The following SLC8A1 variants were observed in gnomAD, a reference collection of about 807,000 sequenced individuals.
SLC8A1 encodes solute carrier family 8 member A1, also known as sodium/calcium exchanger 1.
In SLC8A1, 18 loss-of-function variants were observed where a neutral mutation model predicts 68.3. The observed-to-expected ratio is 0.26, with a 90% CI of 0.18 to 0.39. SLC8A1 has a LOEUF of 0.39. SLC8A1 is among the 10% of genes least tolerant of loss of function. The probability of loss-of-function intolerance (pLI) is 1.00; values close to 1 mark genes in which losing one functional copy is unlikely to be tolerated. For missense variants in SLC8A1, 985 were observed against 1,156.7 expected, an observed-to-expected ratio of 0.85 and a Z score of 2.15; for synonymous variants, 475 against 415.5, an observed-to-expected ratio of 1.14 and a Z score of -1.74.
chr2:40,306,424 T>G (rs2072607267), intron 2 of SLC8A1, among the ~76,000 whole-genome samples: 1 of 145,898 alleles, frequency 6.9e-6, no homozygotes, highest in African/African-American at 2.5e-5. Flanking sequence ...TAAGGGCATT[T>G]AAGGATAAAT....
At chr2:40,185,185 T>G (rs1240747604) in intron 2 of SLC8A1, among the ~76,000 whole-genome samples, 5 of 152,326 alleles carry the variant, frequency 3.3e-5, no homozygotes, top group Middle Eastern at 3.4e-3. Flanking sequence ...GCAGCCACTT[T>G]GGAGAAGCCC....
chr2:40,410,024 G>C (rs1283675826), intron 2 of SLC8A1, among the ~76,000 whole-genome samples: 1 of 151,972 alleles, frequency 6.6e-6, no homozygotes, highest in Non-Finnish European at 1.5e-5. Context: ...GGGGAGGGGA[G>C]AAGGAATACA....
intron 2 of SLC8A1, among the ~76,000 whole-genome samples, chr2:40,368,928 G>C (rs1394994688): frequency 8.6e-6 from 1 of 115,942 alleles, no homozygotes; most frequent in Admixed American, 9.2e-5. Flanking sequence ...GACAAAAACA[G>C]CAGTGAGAAA....
chr2:40,302,178 T>G (rs1161554406), intron 2 of SLC8A1, among the ~76,000 whole-genome samples: 1 of 151,848 alleles, frequency 6.6e-6, no homozygotes, highest in Non-Finnish European at 1.5e-5. Context: ...ATTACAGGTG[T>G]GAGCCACTGC....
intron 2 of SLC8A1, among the ~76,000 whole-genome samples, chr2:40,292,966 C>T (rs768338369): frequency 2.0e-5 from 3 of 152,080 alleles, no homozygotes; most frequent in Non-Finnish European, 4.4e-5. Flanking sequence ...GAAAAGAGGA[C>T]CTGTGTGCCT....
chr2:40,255,611 T>A (rs1041852968), intron 2 of SLC8A1, among the ~76,000 whole-genome samples: 1 of 152,164 alleles, frequency 6.6e-6, no homozygotes, highest in Admixed American at 6.5e-5. Flanking sequence ...TTTTTCTTAT[T>A]TGTATAGTGA....
intron 6 of SLC8A1, among the ~76,000 whole-genome samples, chr2:40,143,071 G>T (rs949874510): frequency 3.9e-5 from 6 of 152,048 alleles, no homozygotes; most frequent in Admixed American, 3.9e-4. Flanking sequence ...AGGCCCATCT[G>T]CTTTTATAAC....
At position 40,342,144 on chromosome 2, in the gene SLC8A1, C is replaced by T. The variant is rs2149411574; in HGVS notation, c.1808+86329G>A. ...TAGTGAAATTTGCCTGGTAGAGATACAAATAATTTTTGTCTAGTTGAAAAG... is the reference window on the plus strand; with the variant it reads ...TAGTGAAATTTGCCTGGTAGAGATATAAATAATTTTTGTCTAGTTGAAAAG... On this transcript the variant is annotated intron_variant, in intron 2 of 7. Coordinates refer to ENST00000406785, the Ensembl canonical transcript of SLC8A1. Among the ~76,000 whole-genome samples the T allele has an allele frequency of 2.0e-5, 3 of 152,150 alleles. No individual in the cohort carries two copies. The South Asian group carries it at 6.2e-4, about 32-fold the overall frequency.
At chr2:40,461,231 C>A (rs573921849) in intron 1 of SLC8A1, among the ~76,000 whole-genome samples, 2 of 152,042 alleles carry the variant, frequency 1.3e-5, no homozygotes, top group Non-Finnish European at 2.9e-5. Flanking sequence ...TATCAAGGTG[C>A]GGATGGAGGG....
At chr2:40,178,358 T>C in intron 2 of SLC8A1, 29 bp downstream of exon 3, 6 of 1,575,840 alleles carry the variant, frequency 3.8e-6, no homozygotes, top group Non-Finnish European at 5.2e-6. Context: ...CAGAAGCTGT[T>C]GGGCTCAGCC....
At chr2:40,254,131 C>A (rs945837712) in intron 2 of SLC8A1, among the ~76,000 whole-genome samples, 7 of 152,074 alleles carry the variant, frequency 4.6e-5, no homozygotes, top group African/African-American at 1.7e-4. Context: ...AAGCATCACA[C>A]ATACTCTACT....
At chr2:40,153,929 A>G (rs565685095) in intron 6 of SLC8A1, among the ~76,000 whole-genome samples, 5 of 152,282 alleles carry the variant, frequency 3.3e-5, no homozygotes, top group African/African-American at 1.2e-4. Context: ...TGTGTAACTG[A>G]GATTAAAAGA....
chr2:40,261,585 G>A (rs749476363), intron 2 of SLC8A1, among the ~76,000 whole-genome samples: 2 of 152,134 alleles, frequency 1.3e-5, no homozygotes, highest in African/African-American at 2.4e-5. Flanking sequence ...TCAGATGGGA[G>A]GTCTGGTAGA....
intron 2 of SLC8A1, among the ~76,000 whole-genome samples, chr2:40,215,643 C>CAAAAAAAAAAAAAAAAA (rs56191722): frequency 2.9e-5 from 2 of 69,926 alleles, no homozygotes; most frequent in Admixed American, 1.7e-4. Flanking sequence ...GACTCCGTCT[C>CAAAAAAAAAAAAAAAAA]AAAAAAAAAA....
At chr2:40,156,676 GA>G (rs71404281) in intron 6 of SLC8A1, among the ~76,000 whole-genome samples, 4,342 of 145,692 alleles carry the variant, frequency 0.03, 144 homozygotes, top group African/African-American at 0.08. Context: ...AAATATTAAG[GA>G]AAAAAAAAAA....
At chr2:40,333,161 G>C (rs989101215) in intron 2 of SLC8A1, among the ~76,000 whole-genome samples, 1 of 152,164 alleles carries the variant, frequency 6.6e-6, no homozygotes, top group Non-Finnish European at 1.5e-5. Context: ...CTTTTAGGCC[G>C]GGTGCGGTGG....
chr2:40,277,753 T>A, intron 2 of SLC8A1, among the ~76,000 whole-genome samples: 1 of 145,628 alleles, frequency 6.9e-6, no homozygotes, highest in Non-Finnish European at 1.5e-5. Context: ...AAAAGCAATA[T>A]ACGTACATAT....
chr2:40,113,702 G>T (rs1361827767), exon 8 of SLC8A1: 2 of 152,676 alleles, frequency 1.3e-5, no homozygotes, highest in Non-Finnish European at 2.9e-5. Flanking sequence ...GCCAGACAGT[G>T]CAGATGTGAA....
In SLC8A1 at chr2:40,174,815, A is replaced by C; in HGVS notation, c.1930+10T>G. ...AAAGTTAGATAGCATTAGACTTGAAAAATTCATACCTGTTATTGTGAAGCC... is the reference window on the plus strand; with the variant it reads ...AAAGTTAGATAGCATTAGACTTGAACAATTCATACCTGTTATTGTGAAGCC... On this transcript the variant is annotated intron_variant, in intron 4 of 7. Coordinates refer to ENST00000406785, the Ensembl canonical transcript of SLC8A1. 2.5e-6 allele frequency: 4 copies of C among 1,609,586 alleles called. No homozygotes were observed. The highest frequency in any genetic ancestry group is 2.6e-6 in the Non-Finnish European group (3 of 1,176,258).
Sources: allele counts gnomAD v4.1 joint callset (sites outside exome capture counted in the v4.1 genomes callset), GRCh38; gene constraint gnomAD v4.1.1; transcripts MANE v1.5; gene names NCBI Gene and HGNC (gene_info 2026-07-23, HGNC 2026-07-21).